CENPL: variants seen among roughly 807,000 people sequenced by gnomAD.
CENPL encodes centromere protein L.
A neutral mutation model predicts 35.2 loss-of-function variants in CENPL; 20 were observed. The observed-to-expected ratio is 0.57, with a 90% CI of 0.40 to 0.83. The LOEUF is 0.83. Among genes scored for constraint, CENPL ranks in the 40% least tolerant of loss-of-function variants. The probability of loss-of-function intolerance (pLI) is 0.00; values close to 1 mark genes in which losing one functional copy is unlikely to be tolerated. For synonymous variants in CENPL, 140 were observed against 140.6 expected, an observed-to-expected ratio of 1.00 and a Z score of 0.03; for missense variants, 363 against 395.8, an observed-to-expected ratio of 0.92 and a Z score of 0.70.
At chr1:173,811,858 G>A (rs917362690) in intron 2 of CENPL, among the ~76,000 whole-genome samples, 6 of 152,234 alleles carry the variant, frequency 3.9e-5, no homozygotes, top group Non-Finnish European at 8.8e-5. Context: ...AAACAGGGTG[G>A]GGCATTGCCC....
At chr1:173,812,857 C>T (rs142389644) in intron 2 of CENPL, among the ~76,000 whole-genome samples, 63 of 152,190 alleles carry the variant, frequency 4.1e-4, no homozygotes, top group Non-Finnish European at 7.1e-4. Flanking sequence ...TTCAGAAGGT[C>T]GGTAATAACA....
chr1:173,804,493 G>A lies in CENPL; in HGVS notation c.421-988C>T, dbSNP rs980820898. On this transcript the variant is annotated intron_variant, in intron 4 of 5. Transcript: ENST00000682279. ...TAATTACTTTAAAAAGCTCTGATTC[G>A]GGGAAGGAAGGGGGAAAAAGGTCTC... Among the ~76,000 whole-genome samples the A allele has an allele frequency of 3.9e-4, 59 of 152,096 alleles. 1 individual carries two copies. The highest frequency in any genetic ancestry group is 2.5e-3 in the Admixed American group (38 of 15,268).
intron 2 of CENPL, among the ~76,000 whole-genome samples, chr1:173,817,917 C>T (rs937816107): frequency 1.2e-4 from 19 of 152,138 alleles, no homozygotes; most frequent in African/African-American, 4.6e-4. Flanking sequence ...GAACACCAAA[C>T]GCCGCATGTT....
chr1:173,812,469 G>A (rs1228759015), intron 2 of CENPL, among the ~76,000 whole-genome samples: 1 of 152,224 alleles, frequency 6.6e-6, no homozygotes, highest in African/African-American at 2.4e-5. Flanking sequence ...GAAGCTTCCA[G>A]AGGAAGGATC....
At chr1:173,807,183 T>C in intron 4 of CENPL, 84 bp downstream of exon 4, 2 of 1,265,328 alleles carry the variant, frequency 1.6e-6, no homozygotes, top group Non-Finnish European at 2.1e-6. Context: ...ATTTTTTAAG[T>C]TGATTATATC....
chr1:173,812,199 C>G (rs1202517320), intron 2 of CENPL, among the ~76,000 whole-genome samples: 1 of 152,258 alleles, frequency 6.6e-6, no homozygotes, highest in East Asian at 1.9e-4. Context: ...CACAGCTCAG[C>G]AAGGCCTACT....
intron 2 of CENPL, among the ~76,000 whole-genome samples, chr1:173,815,817 C>G (rs200475483): frequency 6.6e-6 from 1 of 151,640 alleles, no homozygotes; most frequent in African/African-American, 2.4e-5. Context: ...ATTCAATATA[C>G]TGTTGGAAGT....
chr1:173,812,575 T>C (rs1650942084), intron 2 of CENPL, among the ~76,000 whole-genome samples: 1 of 152,086 alleles, frequency 6.6e-6, no homozygotes, highest in Non-Finnish European at 1.5e-5. Flanking sequence ...AGACCTGTAG[T>C]CTAGGGACCT....
intron 2 of CENPL, among the ~76,000 whole-genome samples, chr1:173,816,865 C>A (rs1019298341): frequency 6.6e-6 from 1 of 152,054 alleles, no homozygotes; most frequent in African/African-American, 2.4e-5. Flanking sequence ...CCAGGCCGGG[C>A]GCAGTGGCTC....
At chr1:173,821,593 G>A (rs755817994) in intron 2 of CENPL, among the ~76,000 whole-genome samples, 12 of 152,024 alleles carry the variant, frequency 7.9e-5, no homozygotes, top group Non-Finnish European at 1.5e-4. Context: ...CCCAATCCAC[G>A]AATTAAAGAT....
rs1430985935 is a variant in CENPL, at chr1:173,803,353, A to G, written c.573T>C (p.Ser191=). 1 of 1,614,100 alleles carries G rather than the reference A, an allele frequency of 6.2e-7. No individual in the cohort carries two copies. Among genetic ancestry groups the G allele is most frequent in the Non-Finnish European group, 8.5e-7 (1 of 1,179,940 alleles). Residue 191 remains serine, a synonymous_variant, in exon 5 of 6, where the codon TCT becomes TCC. Coordinates refer to ENST00000682279, the MANE Select transcript of CENPL (RefSeq NM_001387287.1). The part of the protein sequence containing the change: ...LPLFLANGAE[S]NTAIIGTWFQ... ...ACCAAGTTCCAATTATTGCTGTGTT[A>G]GACTCTGCTCCATTTGCAAGGAATA...
chr1:173,809,469 G>A (rs1339663416), intron 3 of CENPL, among the ~76,000 whole-genome samples: 1 of 151,970 alleles, frequency 6.6e-6, no homozygotes, highest in Non-Finnish European at 1.5e-5. Context: ...GTGGATGCCT[G>A]TAATCCCAGC....
At chr1:173,807,097 G>T in intron 4 of CENPL, among the ~76,000 whole-genome samples, 170 bp downstream of exon 4, 1 of 151,754 alleles carries the variant, frequency 6.6e-6, no homozygotes, top group Non-Finnish European at 1.5e-5. Context: ...AACTTTTTTG[G>T]TATTTTTATG....
At chr1:173,819,755 G>A (rs1490306266) in intron 2 of CENPL, among the ~76,000 whole-genome samples, 5 of 152,050 alleles carry the variant, frequency 3.3e-5, no homozygotes, top group Admixed American at 1.3e-4. Context: ...GCAATGGCGC[G>A]ATCTCGGCTC....
chr1:173,803,152 T>C lies in CENPL; in HGVS notation c.774A>G (p.Pro258=). Residue 258 remains proline (P), a synonymous_variant, in exon 5 of 6, where the codon CCA becomes CCG. Coordinates refer to ENST00000682279, the MANE Select transcript of CENPL (RefSeq NM_001387287.1). ...QSLDISFAIH[P]EDAKALWDSV... The stretch of plus-strand genomic sequence containing the variant: ...TGTCCCATAGAGCTTTTGCATCCTC[T>C]GGATGTATTGCGAAAGAAATGTCCA... 1 of 1,613,920 alleles carries C rather than the reference T, an allele frequency of 6.2e-7. No homozygotes were observed. Among genetic ancestry groups the C allele is most frequent in the African/African-American group, 1.3e-5 (1 of 75,044 alleles).
intron 4 of CENPL, among the ~76,000 whole-genome samples, chr1:173,804,624 G>A (rs945259717): frequency 6.6e-6 from 1 of 152,140 alleles, no homozygotes; most frequent in Non-Finnish European, 1.5e-5. Flanking sequence ...AACTAGCCCT[G>A]TATATTCATG....
rs747479891 is a variant in CENPL, at chr1:173,811,135, C to T, written c.165G>A (p.Leu55=). ...CAAAGGGACACAAAAAGCATACCTG[C>T]AACTGCGAACACTGGGGAATTTTCC... ...PRRKIPQCSQ[L]QEDVDPQKVA... The change falls in exon 3 of 6, where the codon TTG becomes TTA. Residue 55 remains leucine (L), a synonymous_variant. Coordinates refer to ENST00000682279, the MANE Select transcript of CENPL (RefSeq NM_001387287.1). The T allele has an allele frequency of 6.2e-7, 1 of 1,610,352 alleles. No homozygotes were observed. The highest frequency in any genetic ancestry group is 8.5e-7 in the Non-Finnish European group (1 of 1,177,112).
intron 4 of CENPL, among the ~76,000 whole-genome samples, chr1:173,806,101 G>A (rs1386072418): frequency 6.6e-6 from 1 of 152,202 alleles, no homozygotes; most frequent in East Asian, 1.9e-4. Flanking sequence ...AAGGGGCTAT[G>A]TTCCAATAAA....
chr1:173,817,597 C>T (rs1651531049), intron 2 of CENPL, among the ~76,000 whole-genome samples: 1 of 152,200 alleles, frequency 6.6e-6, no homozygotes, highest in East Asian at 1.9e-4. Context: ...GACAGTGTGG[C>T]AATTCCTCAA....
Sources: allele counts gnomAD v4.1 joint callset (sites outside exome capture counted in the v4.1 genomes callset), GRCh38; gene constraint gnomAD v4.1.1; transcripts MANE v1.5; gene names NCBI Gene and HGNC (gene_info 2026-07-23, HGNC 2026-07-21).